ADAMTS3: variants seen among roughly 807,000 people sequenced by gnomAD.
ADAMTS3 encodes A disintegrin and metalloproteinase with thrombospondin motifs 3.
Under a neutral mutation model 129.0 loss-of-function variants are expected in ADAMTS3, and 73 were observed. The ratio of observed to expected loss-of-function variants is 0.57; its 90% CI spans 0.47 to 0.69. The LOEUF is 0.69. Among genes scored for constraint, ADAMTS3 ranks in the 30% least tolerant of loss-of-function variants. The pLI, the probability that ADAMTS3 is intolerant of heterozygous loss-of-function variation, is 0.00. For missense variants in ADAMTS3, 1,457 were observed against 1,514.5 expected, an observed-to-expected ratio of 0.96 and a Z score of 0.63; for synonymous variants, 477 against 510.8, an observed-to-expected ratio of 0.93 and a Z score of 0.89.
At chr4:72,511,508 G>A (rs1408206612) in intron 3 of ADAMTS3, among the ~76,000 whole-genome samples, 1 of 152,166 alleles carries the variant, frequency 6.6e-6, no homozygotes, top group Non-Finnish European at 1.5e-5. Flanking sequence ...ACGGACATAC[G>A]AAAACGTGCT....
rs1439600193 is a variant in ADAMTS3 at position 72,319,392 on chromosome 4, G to C, written c.1292C>G (p.Ala431Gly). The change falls in exon 9 of 22, where the codon GCA (alanine) becomes GGA (glycine). Residue 431 changes from alanine to glycine, a missense_variant. Transcript: ENST00000286657. ...MGSVMAPLVQ[A>G]AFHRYHWSRC... The stretch of plus-strand genomic sequence containing the variant: ...GGACCAGTGGTAACGATGGAATGCT[G>C]CTTGTACCAAGGGAGCCATGACACT... 7 of 1,613,906 alleles carry C rather than the reference G, an allele frequency of 4.3e-6. No homozygotes were observed. Among genetic ancestry groups the C allele is most frequent in the Non-Finnish European group, 5.1e-6 (6 of 1,179,920 alleles).
At chr4:72,551,568 T>G (rs771955382) in intron 2 of ADAMTS3, among the ~76,000 whole-genome samples, 10 of 152,156 alleles carry the variant, frequency 6.6e-5, no homozygotes, top group Non-Finnish European at 1.5e-4. Context: ...ACCCTTTGGA[T>G]TACCATCTCC....
intron 3 of ADAMTS3, among the ~76,000 whole-genome samples, chr4:72,497,526 A>C (rs1024514821): frequency 6.6e-6 from 1 of 151,528 alleles, no homozygotes; most frequent in Non-Finnish European, 1.5e-5. Flanking sequence ...GTTAAATATT[A>C]AAAATATTTT....
At chr4:72,367,977 CAAT>C (rs1246082801) in intron 4 of ADAMTS3, among the ~76,000 whole-genome samples, 4 of 151,698 alleles carry the variant, frequency 2.6e-5, no homozygotes, top group Non-Finnish European at 2.9e-5. Context: ...ATTTAAAAAA[CAAT>C]AATTATACGC....
At chr4:72,355,448 A>T (rs760933045) in intron 4 of ADAMTS3, among the ~76,000 whole-genome samples, 8 of 152,036 alleles carry the variant, frequency 5.3e-5, no homozygotes, top group Non-Finnish European at 1.2e-4. Context: ...AGCAAAGAAA[A>T]GCTGCAATAT....
chr4:72,441,744 G>A (rs1718122079), intron 3 of ADAMTS3: 2 of 151,834 alleles, frequency 1.3e-5, no homozygotes, highest in South Asian at 4.1e-4. Flanking sequence ...TTATTCATCA[G>A]TCACATCAAT....
chr4:72,281,989 T>C lies in ADAMTS3; in HGVS notation c.*1147A>G, dbSNP rs766395254. On this transcript the variant is annotated 3_prime_UTR_variant, in exon 22 of 22. Coordinates refer to ENST00000286657, the MANE Select transcript of ADAMTS3 (RefSeq NM_014243.3). Reference sequence around the variant, plus strand: ...CATTGTGGTTGTGAACATTTGAACATGAACCATATGGAAAATAAATATCTC... The same window carrying C: ...CATTGTGGTTGTGAACATTTGAACACGAACCATATGGAAAATAAATATCTC... 1.3e-5 allele frequency: 2 copies of C among 152,158 alleles called. No homozygotes were observed. Among genetic ancestry groups the C allele is most frequent in the East Asian group, 1.9e-4 (1 of 5,194 alleles). 9.4% of individuals were successfully genotyped at this position (152,158 alleles called of 1,614,324 possible).
chr4:72,532,456 A>C (rs1260345022), intron 3 of ADAMTS3, among the ~76,000 whole-genome samples: 3 of 151,704 alleles, frequency 2.0e-5, no homozygotes, highest in African/African-American at 7.3e-5. Flanking sequence ...AGTCCATCTA[A>C]GGGACAGTTC....
Position 72,295,786 on chromosome 4 carries a change from C to A in ADAMTS3, c.2591G>T (p.Gly864Val). 2 of 1,609,432 alleles carry A rather than the reference C, an allele frequency of 1.2e-6. No homozygotes were observed. The highest frequency in any genetic ancestry group is 2.2e-5 in the South Asian group (2 of 90,582). The change falls in exon 19 of 22, where the codon GGT becomes GTT. Residue 864 changes from glycine (G) to valine (V), a missense_variant and splice_region_variant. Coordinates refer to ENST00000286657, the MANE Select transcript of ADAMTS3 (RefSeq NM_014243.3). ...GCATCCATATTTAGTGTACTGGAAA[C>A]CTGGAAAAGGAAATAAAGTTCTTTG... ...WSQCSKPCGG[G>V]FQYTKYGCRR...
At chr4:72,312,770 A>G (rs760512861) in intron 12 of ADAMTS3, among the ~76,000 whole-genome samples, 1 of 152,192 alleles carries the variant, frequency 6.6e-6, no homozygotes, top group Non-Finnish European at 1.5e-5. Context: ...ATATTTTGCT[A>G]CCATGTATAA....
intron 9 of ADAMTS3, 138 bp from the exon 10 acceptor site, chr4:72,318,842 T>A: frequency 1.1e-6 from 1 of 876,544 alleles, no homozygotes; most frequent in Non-Finnish European, 1.7e-6. Context: ...AAACATGTAT[T>A]TAAGGTTTTG....
intron 21 of ADAMTS3, among the ~76,000 whole-genome samples, chr4:72,288,031 A>C (rs1718556751): frequency 6.6e-6 from 1 of 151,970 alleles, no homozygotes; most frequent in African/African-American, 2.4e-5. Flanking sequence ...ATGCCCAGCT[A>C]ATTTTTGTAT....
chr4:72,290,742 G>T (rs1420186537), intron 20 of ADAMTS3, 113 bp downstream of exon 20: 2 of 1,119,976 alleles, frequency 1.8e-6, no homozygotes, highest in East Asian at 2.5e-5. Flanking sequence ...TACAAAATAT[G>T]CAGTAGTTTC....
intron 3 of ADAMTS3, among the ~76,000 whole-genome samples, chr4:72,450,556 TTG>T (rs2109969368): frequency 6.6e-6 from 1 of 151,790 alleles, no homozygotes; most frequent in Non-Finnish European, 1.5e-5. Flanking sequence ...AGTTTTTACT[TTG>T]TCTTACAGAA....
At chr4:72,328,931 T>C (rs571340995) in intron 5 of ADAMTS3, among the ~76,000 whole-genome samples, 1 of 152,284 alleles carries the variant, frequency 6.6e-6, no homozygotes, top group South Asian at 2.1e-4. Flanking sequence ...TACCTGCTTG[T>C]ATTCTCAGCC....
intron 3 of ADAMTS3, among the ~76,000 whole-genome samples, chr4:72,466,529 G>A (rs1031480509): frequency 9.9e-5 from 15 of 152,062 alleles, no homozygotes; most frequent in South Asian, 2.1e-4. Flanking sequence ...TGAAGGCGGA[G>A]CAAACAGAAT....
intron 3 of ADAMTS3, among the ~76,000 whole-genome samples, chr4:72,463,350 G>A (rs2109985984): frequency 6.6e-6 from 1 of 152,100 alleles, no homozygotes; most frequent in African/African-American, 2.4e-5. Flanking sequence ...TGGGTACGTA[G>A]CTCAGAAATG....
chr4:72,374,455 T>C (rs967169841), intron 4 of ADAMTS3, among the ~76,000 whole-genome samples: 1 of 152,188 alleles, frequency 6.6e-6, no homozygotes, highest in Non-Finnish European at 1.5e-5. Flanking sequence ...TTATTATACA[T>C]GTGAATTATT....
chr4:72,464,763 T>C (rs753310229), intron 3 of ADAMTS3, among the ~76,000 whole-genome samples: 1 of 152,044 alleles, frequency 6.6e-6, no homozygotes, highest in South Asian at 2.1e-4. Flanking sequence ...TACAAAGTAA[T>C]GGACCAAAAT....
Sources: allele counts gnomAD v4.1 joint callset (sites outside exome capture counted in the v4.1 genomes callset), GRCh38; gene constraint gnomAD v4.1.1; transcripts MANE v1.5; gene names NCBI Gene and HGNC (gene_info 2026-07-23, HGNC 2026-07-21).